The following ASTN2 variants were observed in gnomAD, a reference collection of about 807,000 sequenced individuals.
The protein encoded by ASTN2 is astrotactin-2.
A neutral mutation model predicts 139.8 loss-of-function variants in ASTN2; 54 were observed. That is an observed-to-expected ratio of 0.39 (90% CI 0.31 to 0.48). The LOEUF (loss-of-function observed/expected upper bound fraction) is 0.48. Among genes scored for constraint, ASTN2 ranks in the 20% least tolerant of loss-of-function variants. The pLI is 0.95. For synonymous variants in ASTN2, 756 were observed against 719.5 expected (o/e 1.05, Z -0.81); for missense variants, 1,565 against 1,725.1 (o/e 0.91, Z 1.64).
At chr9:117,165,099 A>C (rs2132911119) in intron 3 of ASTN2, among the ~76,000 whole-genome samples, 1 of 152,168 alleles carries the variant, frequency 6.6e-6, no homozygotes, top group African/African-American at 2.4e-5. Context: ...TAACTCCTAC[A>C]GCTCACATGG....
At chr9:116,674,989 T>A (rs1387104418) in intron 16 of ASTN2, among the ~76,000 whole-genome samples, 1 of 152,200 alleles carries the variant, frequency 6.6e-6, no homozygotes, top group Non-Finnish European at 1.5e-5. Context: ...CCCGTCTTGA[T>A]GAATCGGCTC....
Position 116,646,666 on chromosome 9 carries a change from G to A in ASTN2, c.3072+4862C>T, listed in dbSNP as rs369607655. On this transcript the variant is annotated intron_variant, in intron 17 of 22. Transcript: ENST00000313400. Reference sequence around the variant, plus strand: ...TAGGCTGTCATGACACTTTAAACAGGCCTTTCATTTGTGTTTGGGGAGGGA... The same window carrying A: ...TAGGCTGTCATGACACTTTAAACAGACCTTTCATTTGTGTTTGGGGAGGGA... Among the ~76,000 whole-genome samples, 252 of 152,190 alleles carry A rather than the reference G, an allele frequency of 1.7e-3. 1 individual carries two copies. Among genetic ancestry groups the A allele is most frequent in the African/African-American group, 5.5e-3 (230 of 41,514 alleles).
intron 1 of ASTN2, among the ~76,000 whole-genome samples, chr9:117,400,352 G>A (rs1164501915): frequency 3.9e-5 from 6 of 152,194 alleles, no homozygotes; most frequent in African/African-American, 1.4e-4. Flanking sequence ...GTCCTTTTGT[G>A]GGGAGGACAG....
At chr9:117,369,248 A>C (rs910059236) in intron 1 of ASTN2, among the ~76,000 whole-genome samples, 2 of 152,158 alleles carry the variant, frequency 1.3e-5, no homozygotes, top group African/African-American at 4.8e-5. Context: ...CCTCCATGTA[A>C]CATGATTATA....
At chr9:116,768,764 C>G (rs1829880591) in intron 13 of ASTN2, among the ~76,000 whole-genome samples, 1 of 152,168 alleles carries the variant, frequency 6.6e-6, no homozygotes, top group African/African-American at 2.4e-5. Flanking sequence ...TCTCAACAGA[C>G]AGCAAATCTG....
intron 16 of ASTN2, among the ~76,000 whole-genome samples, chr9:116,681,901 A>G (rs1479812749): frequency 6.6e-6 from 1 of 150,878 alleles, no homozygotes; most frequent in Non-Finnish European, 1.5e-5. Flanking sequence ...CTTAAACGTT[A>G]GACCTAAAAC....
At chr9:117,290,510 C>T (rs1834561425) in intron 2 of ASTN2, among the ~76,000 whole-genome samples, 1 of 152,222 alleles carries the variant, frequency 6.6e-6, no homozygotes, top group African/African-American at 2.4e-5. Context: ...CAGAGCTGAA[C>T]AGCCACATCC....
chr9:116,805,547 C>T (rs996580325), intron 13 of ASTN2, 85 bp downstream of exon 13: 5 of 1,273,990 alleles, frequency 3.9e-6, no homozygotes, highest in Non-Finnish European at 5.6e-6. Flanking sequence ...CAGGTCTCTA[C>T]CCCATTGTGC....
intron 16 of ASTN2, among the ~76,000 whole-genome samples, chr9:116,652,389 T>C (rs925906417): frequency 6.6e-6 from 1 of 151,138 alleles, no homozygotes; most frequent in African/African-American, 2.5e-5. Context: ...TTGGGCTAGA[T>C]TATTATTCAA....
At chr9:116,956,309 T>C (rs1348908244) in intron 10 of ASTN2, among the ~76,000 whole-genome samples, 1 of 150,018 alleles carries the variant, frequency 6.7e-6, no homozygotes, top group Non-Finnish European at 1.5e-5. Flanking sequence ...ATTTTAGTCA[T>C]GCTGGTCTCT....
intron 3 of ASTN2, among the ~76,000 whole-genome samples, chr9:117,196,564 T>G (rs1179396897): frequency 6.6e-6 from 1 of 152,154 alleles, no homozygotes; most frequent in South Asian, 2.1e-4. Flanking sequence ...TGCCTTCCTA[T>G]CTATCACTGT....
chr9:116,695,434 ATATT>A (rs1316211811), intron 16 of ASTN2, among the ~76,000 whole-genome samples: 1 of 152,182 alleles, frequency 6.6e-6, no homozygotes, highest in Non-Finnish European at 1.5e-5. Context: ...CTGCTGCTAT[ATATT>A]TGTCAGATTG....
chr9:116,430,954 C>A (rs2118826149), intron 22 of ASTN2, among the ~76,000 whole-genome samples: 1 of 152,288 alleles, frequency 6.6e-6, no homozygotes, highest in Non-Finnish European at 1.5e-5. Flanking sequence ...AGGTCAGTGA[C>A]CACTTTTGTC....
intron 19 of ASTN2, among the ~76,000 whole-genome samples, chr9:116,587,886 T>G (rs1361791026): frequency 1.3e-5 from 2 of 152,230 alleles, no homozygotes; most frequent in Non-Finnish European, 2.9e-5. Flanking sequence ...GAGAGAAGCA[T>G]TCCAGTATCT....
At chr9:116,673,178 G>A (rs777369892) in intron 16 of ASTN2, among the ~76,000 whole-genome samples, 1 of 152,178 alleles carries the variant, frequency 6.6e-6, no homozygotes, top group African/African-American at 2.4e-5. Flanking sequence ...TGGCCCCTAT[G>A]CTTGGGGCTG....
chr9:116,770,064 T>A (rs1829915185), intron 13 of ASTN2, among the ~76,000 whole-genome samples: 1 of 146,426 alleles, frequency 6.8e-6, no homozygotes, highest in Non-Finnish European at 1.5e-5. Flanking sequence ...ATAAGAATAC[T>A]GAGGTTAAAT....
chr9:116,583,914 C>T (rs1854049139), intron 19 of ASTN2: 1 of 152,178 alleles, frequency 6.6e-6, no homozygotes, highest in Non-Finnish European at 1.5e-5. Context: ...TGCCCCCAAA[C>T]AAGACCTCTG....
intron 12 of ASTN2, among the ~76,000 whole-genome samples, chr9:116,806,897 T>C (rs1831044260): frequency 6.6e-6 from 1 of 152,220 alleles, no homozygotes; most frequent in African/African-American, 2.4e-5. Context: ...ACACTTTATG[T>C]ATTTATTATC....
chr9:117,329,853 C>T (rs549689595), intron 1 of ASTN2, among the ~76,000 whole-genome samples: 2 of 152,306 alleles, frequency 1.3e-5, no homozygotes, highest in East Asian at 3.9e-4. Context: ...GACATGACTG[C>T]CATTGCTAAG....
Sources: allele counts gnomAD v4.1 joint callset (sites outside exome capture counted in the v4.1 genomes callset), GRCh38; gene constraint gnomAD v4.1.1; transcripts MANE v1.5; gene names NCBI Gene and HGNC (gene_info 2026-07-23, HGNC 2026-07-21).